The following KHDRBS3 variants were observed in gnomAD, a reference collection of about 807,000 sequenced individuals.
KHDRBS3 encodes the protein KH domain-containing, RNA-binding, signal transduction-associated protein 3.
A neutral mutation model predicts 45.6 loss-of-function variants in KHDRBS3; 23 were observed. The ratio of observed to expected loss-of-function variants is 0.50; its 90% CI spans 0.36 to 0.72. The LOEUF (loss-of-function observed/expected upper bound fraction) is 0.72, where lower values mean the gene tolerates loss of function less well. KHDRBS3 is among the 30% of genes least tolerant of loss of function. The probability of loss-of-function intolerance (pLI) is 0.00; values close to 1 mark genes in which losing one functional copy is unlikely to be tolerated. For missense variants in KHDRBS3, 352 were observed against 424.8 expected (o/e 0.83, Z 1.51); for synonymous variants, 162 against 156.5 (o/e 1.04, Z -0.26).
intron 6 of KHDRBS3, among the ~76,000 whole-genome samples, chr8:135,602,462 A>G (rs924388613): frequency 6.6e-6 from 1 of 152,218 alleles, no homozygotes; most frequent in Non-Finnish European, 1.5e-5. Flanking sequence ...TCAAAGACCT[A>G]AACAATTTGA....
At position 135,582,011 on chromosome 8, in the gene KHDRBS3, G is replaced by A. The variant is rs766445215; in HGVS notation, c.745G>A (p.Val249Ile). Residue 249 changes from valine to isoleucine, a missense_variant, in exon 6 of 9, where the codon GTC (valine) becomes ATC (isoleucine). Transcript: ENST00000355849. ...RGLLTPRARG[V>I]PPTGYRPPPP... Reference sequence around the variant, plus strand: ...ACTTCTCACTCCCAGAGCAAGAGGAGTCCCCCCAACTGGGTACAGACCTCC... The same window carrying A: ...ACTTCTCACTCCCAGAGCAAGAGGAATCCCCCCAACTGGGTACAGACCTCC... 1 of 1,612,708 alleles carries A rather than the reference G, an allele frequency of 6.2e-7. No homozygotes were observed. Among genetic ancestry groups the A allele is most frequent in the African/African-American group, 1.3e-5 (1 of 74,996 alleles).
chr8:135,459,624 A>G (rs185449484), intron 1 of KHDRBS3, among the ~76,000 whole-genome samples: 19 of 152,314 alleles, frequency 1.2e-4, no homozygotes, highest in African/African-American at 4.1e-4. Flanking sequence ...ACTCAAGTGC[A>G]TTTTTCCTAA....
Position 135,588,057 on chromosome 8 carries a change from C to T in KHDRBS3, c.807+5984C>T, listed in dbSNP as rs182155662. 7.0e-4 allele frequency among the ~76,000 whole-genome samples: 106 copies of T among 152,266 alleles called. No homozygotes were observed. The East Asian group carries it at 0.011, about 16-fold the overall frequency. The stretch of plus-strand genomic sequence containing the variant: ...TGTGTGTCCTGCAGTTTAATTCTGA[C>T]GCCATTTACCAGGAGTTAGCACAGA... On this transcript the variant is annotated intron_variant, in intron 6 of 8. Coordinates refer to ENST00000355849, the MANE Select transcript of KHDRBS3 (RefSeq NM_006558.3).
At chr8:135,515,109 G>A (rs576470497) in intron 1 of KHDRBS3, among the ~76,000 whole-genome samples, 2 of 152,058 alleles carry the variant, frequency 1.3e-5, no homozygotes, top group Non-Finnish European at 2.9e-5. Context: ...GCTCACGCCT[G>A]TAATCCCAGC....
intron 1 of KHDRBS3, among the ~76,000 whole-genome samples, chr8:135,505,772 A>G (rs1823963422): frequency 6.6e-6 from 1 of 151,968 alleles, no homozygotes; most frequent in Non-Finnish European, 1.5e-5. Flanking sequence ...TGGGACTCAG[A>G]CCTCCGAGAA....
intron 4 of KHDRBS3, among the ~76,000 whole-genome samples, chr8:135,550,934 C>T (rs950651009): frequency 6.6e-6 from 1 of 152,060 alleles, no homozygotes; most frequent in Non-Finnish European, 1.5e-5. Context: ...AGGGTGTCAG[C>T]CTTTTCCTTT....
At chr8:135,532,302 C>T (rs1234384936) in intron 2 of KHDRBS3, among the ~76,000 whole-genome samples, 1 of 152,106 alleles carries the variant, frequency 6.6e-6, no homozygotes, top group Admixed American at 6.5e-5. Context: ...ATAAAAGTAT[C>T]GATCGGTTCT....
intron 2 of KHDRBS3, among the ~76,000 whole-genome samples, chr8:135,522,832 G>T (rs577152269): frequency 3.5e-4 from 54 of 152,202 alleles, no homozygotes; most frequent in African/African-American, 1.2e-3. Context: ...ATGAATTTTT[G>T]TATATGGTAT....
intron 4 of KHDRBS3, chr8:135,656,086 C>T (rs1162925592): frequency 6.6e-6 from 1 of 152,162 alleles, no homozygotes; most frequent in Non-Finnish European, 1.5e-5. Context: ...TTCTGTTTTG[C>T]ATTGTTTTCC....
At position 135,647,183 on chromosome 8, in the gene KHDRBS3, G is replaced by T. The variant is rs3184618; in HGVS notation, c.*99G>T. 2.3e-6 allele frequency: 1 copy of T among 441,774 alleles called. No individual in the cohort carries two copies. Among genetic ancestry groups the T allele is most frequent in the Non-Finnish European group, 4.1e-6 (1 of 242,732 alleles). 27.4% of individuals were successfully genotyped at this position (441,774 alleles called of 1,614,324 possible). On this transcript the variant is annotated 3_prime_UTR_variant, in exon 9 of 9. Transcript: ENST00000355849. The stretch of plus-strand genomic sequence containing the variant: ...GAACAATCCCTTTTTAAATAAATCA[G>T]AATGCTTAAAATCTGAATGGATGGA...
rs543151642 is a variant in KHDRBS3 at position 135,505,344 on chromosome 8, C to T, written c.89-15893C>T. Among the ~76,000 whole-genome samples the T allele has an allele frequency of 2.0e-5, 3 of 152,266 alleles. No individual in the cohort carries two copies. The South Asian group carries it at 6.2e-4, about 32-fold the overall frequency. On this transcript the variant is annotated intron_variant, in intron 1 of 8. Transcript: ENST00000355849. ...CTGAGGCTTGGTCTGTCCTCCAAAA[C>T]CTTGGCCTGTCTACCACTTCCCTGC...
intron 2 of KHDRBS3, among the ~76,000 whole-genome samples, chr8:135,530,001 G>A (rs928306297): frequency 4.6e-5 from 7 of 150,698 alleles, no homozygotes; most frequent in Non-Finnish European, 8.8e-5. Flanking sequence ...GCAGTGAGCC[G>A]AGATCGTGCC....
chr8:135,528,067 A>G (rs1786456979), intron 2 of KHDRBS3, among the ~76,000 whole-genome samples: 1 of 152,184 alleles, frequency 6.6e-6, no homozygotes, highest in Admixed American at 6.5e-5. Context: ...AATTAGGTTT[A>G]TTAAATTTAT....
intron 7 of KHDRBS3, among the ~76,000 whole-genome samples, chr8:135,624,443 A>G (rs1001822180): frequency 8.5e-5 from 13 of 152,244 alleles, no homozygotes; most frequent in African/African-American, 2.7e-4. Flanking sequence ...CATAATACAT[A>G]GAAATTTTGG....
chr8:135,645,180 G>C, intron 8 of KHDRBS3, 63 bp downstream of exon 8: 1 of 1,525,234 alleles, frequency 6.6e-7, no homozygotes, highest in Non-Finnish European at 9.1e-7. Context: ...AGACCTTAAA[G>C]ATATTAATGG....
chr8:135,652,252 C>T (rs943895815), downstream of KHDRBS3, among the ~76,000 whole-genome samples: 6 of 152,206 alleles, frequency 3.9e-5, no homozygotes, highest in South Asian at 2.1e-4. Context: ...TTCACCCTCC[C>T]TTATCGATGG....
At chr8:135,498,833 C>T (rs1024718841) in intron 1 of KHDRBS3, among the ~76,000 whole-genome samples, 7 of 152,216 alleles carry the variant, frequency 4.6e-5, no homozygotes, top group Admixed American at 2.0e-4. Flanking sequence ...GGTCCCCATG[C>T]GCACAATCAG....
At chr8:135,568,529 G>A (rs1238388491) in intron 5 of KHDRBS3, among the ~76,000 whole-genome samples, 1 of 152,134 alleles carries the variant, frequency 6.6e-6, no homozygotes, top group African/African-American at 2.4e-5. Context: ...GAAACATCGA[G>A]AATAATGCAT....
intron 1 of KHDRBS3, among the ~76,000 whole-genome samples, chr8:135,481,223 GATATATATATATATATAT>G (rs10529846): frequency 6.5e-5 from 5 of 77,408 alleles, no homozygotes; most frequent in African/African-American, 2.4e-4. Context: ...TGAAAGCCAC[GATATATATATATATATAT>G]ATATATATAT....
Sources: gnomAD v4.1 joint callset for allele counts (sites outside exome capture counted in the v4.1 genomes callset) on GRCh38, gnomAD v4.1.1 for gene constraint, MANE v1.5 for transcripts, NCBI Gene and HGNC (gene_info 2026-07-23, HGNC 2026-07-21) for gene names.